Variants in SH3BP1 observed in about 807,000 individuals in gnomAD.
SH3BP1 encodes SH3 domain binding protein 1.
In SH3BP1, 46 loss-of-function variants were observed where a neutral mutation model predicts 69.8. That is an observed-to-expected ratio of 0.66 (90% CI 0.52 to 0.84). The LOEUF is 0.84. Among genes scored for constraint, SH3BP1 ranks in the 40% least tolerant of loss-of-function variants. The pLI, the probability that SH3BP1 is intolerant of heterozygous loss-of-function variation, is 0.00. For missense variants in SH3BP1, 868 were observed against 930.9 expected, an observed-to-expected ratio of 0.93 and a Z score of 0.88; for synonymous variants, 403 against 378.0, an observed-to-expected ratio of 1.07 and a Z score of -0.77.
chr22:37,646,968 G>A, intron 11 of SH3BP1, 39 bp downstream of exon 11: 1 of 1,384,472 alleles, frequency 7.2e-7, no homozygotes, highest in Non-Finnish European at 9.7e-7. Context: ...AGGTTGGGGG[G>A]GAGGGGGTGC....
rs925357040 is a variant in SH3BP1, at chr22:37,641,337, C to A, written c.103-37C>A. ...AAGTTTCCTGCTCAGGGGGAGACAG[C>A]CTCTCTTGATCCTTAACCTCCATAC... On this transcript the variant is annotated intron_variant, in intron 2 of 17. Transcript: ENST00000649765. 11 of 1,544,390 alleles carry A rather than the reference C, an allele frequency of 7.1e-6. No individual in the cohort carries two copies. In the South Asian group the frequency reaches 1.2e-4, roughly 17 times the overall value.
intron 16 of SH3BP1, among the ~76,000 whole-genome samples, chr22:37,651,587 C>T (rs1305016316): frequency 6.6e-6 from 1 of 152,128 alleles, no homozygotes; most frequent in South Asian, 2.1e-4. Flanking sequence ...GCCTCAGTCC[C>T]CCAAAGTGCT....
intron 11 of SH3BP1, 63 bp downstream of exon 11, chr22:37,646,992 G>A (rs944221335): frequency 2.1e-5 from 23 of 1,084,888 alleles, no homozygotes; most frequent in African/African-American, 1.1e-4. Context: ...GGCTTGAAAC[G>A]ATCCCAAGAT....
intron 10 of SH3BP1, among the ~76,000 whole-genome samples, chr22:37,645,747 G>C (rs527834821): frequency 3.3e-5 from 5 of 152,270 alleles, no homozygotes; most frequent in Admixed American, 3.3e-4. Flanking sequence ...AATTTCACAA[G>C]AGGGAGACAG....
Position 37,641,402 on chromosome 22 carries a change from G to A in SH3BP1, c.131G>A (p.Arg44Gln), listed in dbSNP as rs1440395506. The A allele has an allele frequency of 5.2e-6, 8 of 1,550,784 alleles. No individual in the cohort carries two copies. Among genetic ancestry groups the A allele is most frequent in the East Asian group, 2.4e-5 (1 of 40,966 alleles). Reference sequence around the variant, plus strand: ...GAACAGCGGCTGGAGCCGGCCAAGCGGGCAGCCCACAACATCCACAAGCGG... The same window carrying A: ...GAACAGCGGCTGGAGCCGGCCAAGCAGGCAGCCCACAACATCCACAAGCGG... ...QVEQRLEPAK[R>Q]AAHNIHKRLQ... The change falls in exon 3 of 18, where the codon CGG becomes CAG. Residue 44 changes from arginine (R) to glutamine (Q), a missense_variant. By Grantham distance (43) the Arg-to-Gln change is conservative. Transcript: ENST00000649765.
At position 37,655,373 on chromosome 22, in the gene SH3BP1, C is replaced by T. The variant is rs1484292584; in HGVS notation, c.1795C>T (p.Pro599Ser). The change falls in exon 18 of 18, where the codon CCT becomes TCT. Residue 599 changes from proline (P) to serine (S), a missense_variant. Physicochemically the swap from Pro to Ser is moderately conservative, Grantham distance 74. Around this residue, in one of 3 missense-constraint regions of SH3BP1, gnomAD observed 474 missense variants for 462.3 expected, o/e 1.03. Coordinates refer to ENST00000649765, the MANE Select transcript of SH3BP1 (RefSeq NM_018957.6). ...GCCCTTGCCCCCTGGCTCTGGCAGC[C>T]CTGGGACCCCCCAAGCCCTGCCCCG... ...APPLPPGSGS[P>S]GTPQALPRRL... The T allele has an allele frequency of 6.9e-7, 1 of 1,455,630 alleles. No homozygotes were observed. The highest frequency in any genetic ancestry group is 9.2e-7 in the Non-Finnish European group (1 of 1,088,372). The allele number at this position is 1,455,630 out of a possible 1,614,324, so 90.2% of individuals were successfully genotyped here.
chr22:37,650,734 T>G lies in SH3BP1; in HGVS notation c.1598+9T>G. The G allele has an allele frequency of 1.3e-6, 2 of 1,597,178 alleles. No individual in the cohort carries two copies. Among genetic ancestry groups the G allele is most frequent in the Non-Finnish European group, 1.7e-6 (2 of 1,170,168 alleles). On this transcript the variant is annotated intron_variant, in intron 16 of 17. Coordinates refer to ENST00000649765, the MANE Select transcript of SH3BP1 (RefSeq NM_018957.6). ...GCAGCTACCAAGGAAAGGTGAGGACTGAGGGGCTTGAATGGCTCCTGTGGT... is the reference window on the plus strand; with the variant it reads ...GCAGCTACCAAGGAAAGGTGAGGACGGAGGGGCTTGAATGGCTCCTGTGGT...
chr22:37,642,244 G>T (rs1033751448), intron 3 of SH3BP1: 5 of 429,124 alleles, frequency 1.2e-5, no homozygotes, highest in South Asian at 5.0e-5. Context: ...CCTGGGGCAA[G>T]CTCCCTGCCC....
At position 37,650,636 on chromosome 22, in the gene SH3BP1, C is replaced by G; in HGVS notation, c.1509C>G (p.Ala503=). The G allele has an allele frequency of 6.2e-7, 1 of 1,613,996 alleles. No homozygotes were observed. The highest frequency in any genetic ancestry group is 8.5e-7 in the Non-Finnish European group (1 of 1,180,018). ...CCTCTGAGGAACTTCCGTCCACTGC[C>G]GTGCCCACCCCAGCCACCACCCCGG... ...RLASEELPST[A]VPTPATTPAP... is the part of the protein sequence containing the mutation. The change falls in exon 16 of 18, where the codon GCC becomes GCG. Residue 503 remains alanine, a synonymous_variant. Coordinates refer to ENST00000649765, the MANE Select transcript of SH3BP1 (RefSeq NM_018957.6).
At chr22:37,642,265 T>C (rs1468480879) in intron 3 of SH3BP1, 2 of 464,216 alleles carry the variant, frequency 4.3e-6, no homozygotes, top group African/African-American at 2.0e-5. Context: ...TCCCTGCATC[T>C]TAGTTTCCCA....
At chr22:37,643,927 G>A (rs1932711782) in intron 7 of SH3BP1, 139 bp downstream of exon 7, 6 of 913,528 alleles carry the variant, frequency 6.6e-6, no homozygotes, top group South Asian at 3.1e-5. Flanking sequence ...GCAGAGCTCC[G>A]CCATTCCCTC....
At chr22:37,648,700 C>CTTTT (rs993648456) in intron 14 of SH3BP1, 69 of 157,998 alleles carry the variant, frequency 4.4e-4, no homozygotes, top group South Asian at 1.7e-3. Context: ...AGATCGGGTT[C>CTTTT]TTTTTTTTTT....
chr22:37,643,550 C>T, intron 6 of SH3BP1, 94 bp from the exon 7 acceptor site: 1 of 1,542,910 alleles, frequency 6.5e-7, no homozygotes. Context: ...AGCTCTAAAT[C>T]CTAGAATCCC....
In SH3BP1 at chr22:37,650,651, C is replaced by T; in HGVS notation, c.1524C>T (p.Ala508=). ...ELPSTAVPTP[A]TTPAPAPAPA... ...CGTCCACTGCCGTGCCCACCCCAGC[C>T]ACCACCCCGGCTCCGGCTCCGGCTC... is the stretch of plus-strand genomic sequence containing the variant. The change falls in exon 16 of 18, where the codon GCC becomes GCT. Residue 508 remains alanine (A), a synonymous_variant. Transcript: ENST00000649765. The T allele has an allele frequency of 1.9e-6, 3 of 1,613,892 alleles. No homozygotes were observed. Among genetic ancestry groups the T allele is most frequent in the Non-Finnish European group, 2.5e-6 (3 of 1,179,898 alleles).
At chr22:37,639,887 G>A (rs1932517371) in intron 1 of SH3BP1, 41 bp downstream of exon 1, 2 of 1,481,732 alleles carry the variant, frequency 1.3e-6, no homozygotes, top group Non-Finnish European at 1.8e-6. Flanking sequence ...TACCCCGGCA[G>A]GACTTGAGGG....
At chr22:37,651,041 GT>G (rs869176488) in intron 16 of SH3BP1, among the ~76,000 whole-genome samples, 29 of 148,136 alleles carry the variant, frequency 2.0e-4, no homozygotes, top group Non-Finnish European at 3.9e-4. Flanking sequence ...GTTTTGTTTT[GT>G]TTTTTTTTTA....
intron 11 of SH3BP1, 50 bp from the exon 12 acceptor site, chr22:37,647,217 G>A (rs767600498): frequency 2.4e-5 from 36 of 1,503,238 alleles, no homozygotes; most frequent in Middle Eastern, 1.9e-4. Flanking sequence ...CAGGGAGAGT[G>A]GGAGAGCGGG....
rs1247869850 is a variant in SH3BP1 at position 37,648,452 on chromosome 22, TGGGG to T, written c.1316+19_1316+22del. On this transcript the variant is annotated intron_variant, in intron 14 of 17. Transcript: ENST00000649765. ...GAAAGAAGGGTGAGGGGCCGCGGGC[TGGGG>T]GAGGTGGCAGGAGGAAGGCAGATCC... is the stretch of plus-strand genomic sequence containing the variant. The T allele has an allele frequency of 6.7e-7, 1 of 1,502,162 alleles. No homozygotes were observed. Among genetic ancestry groups the T allele is most frequent in the African/African-American group, 1.4e-5 (1 of 72,898 alleles). 93.1% of individuals were successfully genotyped at this position (1,502,162 alleles called of 1,614,324 possible).
chr22:37,641,324 CAG>C (rs762580308), intron 2 of SH3BP1, 48 bp from the exon 3 acceptor site: 1 of 1,539,344 alleles, frequency 6.5e-7, no homozygotes, highest in Non-Finnish European at 8.8e-7. Context: ...GTTTCCTGCT[CAG>C]GGGGAGACAG....
Sources: gnomAD v4.1 joint callset for allele counts (sites outside exome capture counted in the v4.1 genomes callset) on GRCh38, gnomAD v4.1.1 for gene constraint, gnomAD v4.1.1 regional missense constraint, MANE v1.5 for transcripts, NCBI Gene and HGNC (gene_info 2026-07-23, HGNC 2026-07-21) for gene names.